The following ZNF516 variants were observed in gnomAD, a reference collection of about 807,000 sequenced individuals.
ZNF516 encodes the protein zinc finger protein 516.
In ZNF516, 19 loss-of-function variants were observed where a neutral mutation model predicts 79.7. The ratio of observed to expected loss-of-function variants is 0.24; its 90% CI spans 0.17 to 0.35. The LOEUF is 0.35. ZNF516 is among the 10% of genes least tolerant of loss of function. The probability of loss-of-function intolerance (pLI) is 1.00; values close to 1 mark genes in which losing one functional copy is unlikely to be tolerated. For synonymous variants in ZNF516, 877 were observed against 739.5 expected (o/e 1.19, Z -3.02); for missense variants, 1,678 against 1,679.5 (o/e 1.00, Z 0.02).
intron 6 of ZNF516, among the ~76,000 whole-genome samples, chr18:76,369,558 G>A (rs1477689883): frequency 1.3e-5 from 2 of 152,122 alleles, no homozygotes; most frequent in Non-Finnish European, 2.9e-5. Flanking sequence ...AAATAAACTA[G>A]AACGATTCTC....
At chr18:76,453,844 T>G (rs547401927) in intron 2 of ZNF516, among the ~76,000 whole-genome samples, 4 of 152,342 alleles carry the variant, frequency 2.6e-5, no homozygotes, top group Admixed American at 2.0e-4. Context: ...TCATAAAATA[T>G]ATTTTAACTG....
At chr18:76,408,916 T>A (rs2075336576) in intron 3 of ZNF516, among the ~76,000 whole-genome samples, 1 of 152,172 alleles carries the variant, frequency 6.6e-6, no homozygotes, top group Non-Finnish European at 1.5e-5. Flanking sequence ...GCTGCTAAAT[T>A]GAGGCTCAGA....
Position 76,360,824 on chromosome 18 carries a change from A to AAT in ZNF516, c.*1672_*1673dup, listed in dbSNP as rs1294567827. On this transcript the variant is annotated 3_prime_UTR_variant, in exon 7 of 7. Transcript: ENST00000443185. Reference sequence around the variant, plus strand: ...ATAATAATAATAATAATAATAATATAATAATATTCAACAAATCATTAGAAC... The same window carrying AAT: ...ATAATAATAATAATAATAATAATATAATATAATATTCAACAAATCATTAGAAC... 2.5e-4 allele frequency: 32 copies of AAT among 129,178 alleles called. No homozygotes were observed. The highest frequency in any genetic ancestry group is 1.3e-3 in the African/African-American group (31 of 23,946). The allele number at this position is 129,178 out of a possible 1,614,324, so 8.0% of individuals were successfully genotyped here. A position where few individuals can be genotyped will look rare whatever the true frequency, so the allele number is the denominator to read the frequency against.
At chr18:76,412,486 C>T (rs1042226643) in intron 3 of ZNF516, among the ~76,000 whole-genome samples, 1 of 152,144 alleles carries the variant, frequency 6.6e-6, no homozygotes, top group Non-Finnish European at 1.5e-5. Context: ...ACCTGGGGAC[C>T]GACGGGAGCC....
chr18:76,476,828 A>G (rs1356229205), intron 1 of ZNF516, among the ~76,000 whole-genome samples: 1 of 152,188 alleles, frequency 6.6e-6, no homozygotes, highest in Non-Finnish European at 1.5e-5. Flanking sequence ...CTGGATAGAA[A>G]CAGCCTAAGC....
intron 1 of ZNF516, among the ~76,000 whole-genome samples, chr18:76,489,455 G>A (rs1046816003): frequency 6.6e-6 from 1 of 152,120 alleles, no homozygotes; most frequent in African/African-American, 2.4e-5. Context: ...CCTTGCAGGG[G>A]GAAGTTAGGT....
rs570349421 is a variant in ZNF516 at position 76,420,573 on chromosome 18, A to G, written c.1810+20672T>C. ...AGTGGGGCATGTTATTTCGTGGAAAACAGTGGATACTTAAAAAAATATTCT... is the reference window on the plus strand; with the variant it reads ...AGTGGGGCATGTTATTTCGTGGAAAGCAGTGGATACTTAAAAAAATATTCT... On this transcript the variant is annotated intron_variant, in intron 3 of 6. Transcript: ENST00000443185. Among the ~76,000 whole-genome samples the G allele has an allele frequency of 3.3e-5, 5 of 152,230 alleles. No homozygotes were observed. The South Asian group carries it at 8.3e-4, about 25-fold the overall frequency.
chr18:76,451,060 G>C lies in ZNF516; in HGVS notation c.-157-7849C>G, dbSNP rs749983992. ...GCAAAGCTGACTGGGAGACACCAGG[G>C]AGGAACAAAGGAGCGAGAGGAAAAC... is the stretch of plus-strand genomic sequence containing the variant. On this transcript the variant is annotated intron_variant, in intron 2 of 6. Transcript: ENST00000443185. The surrounding 1 kb of genome is among the most constrained non-coding windows in gnomAD (Gnocchi z 6.0). Among the ~76,000 whole-genome samples the C allele has an allele frequency of 6.6e-5, 10 of 152,184 alleles. No individual in the cohort carries two copies.
intron 1 of ZNF516, among the ~76,000 whole-genome samples, chr18:76,484,628 T>C (rs915453191): frequency 7.9e-5 from 12 of 152,200 alleles, no homozygotes; most frequent in African/African-American, 2.2e-4. Context: ...TGGACGGGAT[T>C]TAAGGATTGC....
At chr18:76,455,965 T>C (rs771796920) in intron 2 of ZNF516, among the ~76,000 whole-genome samples, 1 of 152,154 alleles carries the variant, frequency 6.6e-6, no homozygotes, top group South Asian at 2.1e-4. Flanking sequence ...AGAGAGACCA[T>C]TGTTACCTCC....
At chr18:76,492,335 T>C (rs1207846300) in intron 1 of ZNF516, 1 of 985,314 alleles carries the variant, frequency 1.0e-6, no homozygotes, top group Admixed American at 6.1e-5. Flanking sequence ...GGTGCCACAG[T>C]AAGTCAGCTG....
intron 1 of ZNF516, among the ~76,000 whole-genome samples, chr18:76,494,506 G>A (rs944991060): frequency 8.2e-6 from 1 of 121,890 alleles, no homozygotes; most frequent in Non-Finnish European, 1.6e-5. Context: ...CTTCTTTAAC[G>A]TTAGGGTCAC....
intron 3 of ZNF516, among the ~76,000 whole-genome samples, chr18:76,392,045 AGCTG>A (rs2075081458): frequency 6.6e-6 from 1 of 152,352 alleles, no homozygotes; most frequent in East Asian, 1.9e-4. Flanking sequence ...GGGAGCACAC[AGCTG>A]AAGAAGAGCC....
intron 3 of ZNF516, among the ~76,000 whole-genome samples, chr18:76,417,943 G>C (rs1280222920): frequency 6.6e-6 from 1 of 152,228 alleles, no homozygotes; most frequent in Non-Finnish European, 1.5e-5. Context: ...AGAGGGTCAA[G>C]TATAGCAGTG....
chr18:76,380,076 G>T lies in ZNF516; in HGVS notation c.2038C>A (p.Pro680Thr), dbSNP rs1292576217. Residue 680 changes from proline to threonine, a missense_variant, in exon 4 of 7, where the codon CCC becomes ACC. Coordinates refer to ENST00000443185, the MANE Select transcript of ZNF516 (RefSeq NM_014643.4). ...CCAGGGACGGGCACCTCCTGCTTGG[G>T]GTGAAATGCTGGCATCTTTAAGTCC... ...SMDLKMPAFH[P>T]KQEVPVPGDG... 4.5e-5 allele frequency: 72 copies of T among 1,613,796 alleles called. No homozygotes were observed. The highest frequency in any genetic ancestry group is 6.0e-5 in the Non-Finnish European group (71 of 1,179,880).
At chr18:76,456,481 C>T (rs1275607559) in intron 2 of ZNF516, among the ~76,000 whole-genome samples, 1 of 152,146 alleles carries the variant, frequency 6.6e-6, no homozygotes, top group East Asian at 1.9e-4. Flanking sequence ...TAGCCTATCC[C>T]GGCCAGCCTT....
chr18:76,395,272 C>A (rs1239128336), intron 3 of ZNF516, among the ~76,000 whole-genome samples: 2 of 152,204 alleles, frequency 1.3e-5, no homozygotes, highest in South Asian at 2.1e-4. Flanking sequence ...CAAGGCTGCA[C>A]CCCGTCCTAA....
chr18:76,431,873 C>CCTTTACAGAAACACAAGAATGGA (rs1384328907), intron 3 of ZNF516, among the ~76,000 whole-genome samples: 6 of 152,190 alleles, frequency 3.9e-5, no homozygotes, highest in Non-Finnish European at 8.8e-5. Context: ...CTCGGGTATT[C>CCTTTACAGAAACACAAGAATGGA]CTTTACAGAA....
intron 3 of ZNF516, chr18:76,389,291 A>T (rs1367767003): frequency 6.6e-6 from 1 of 152,158 alleles, no homozygotes; most frequent in Non-Finnish European, 1.5e-5. Flanking sequence ...CAAAAAAAAA[A>T]AAAAAATCTC....
Sources: gnomAD v4.1 joint callset for allele counts (sites outside exome capture counted in the v4.1 genomes callset) on GRCh38, gnomAD v4.1.1 for gene constraint, Gnocchi (gnomAD v3.1) non-coding constraint, MANE v1.5 for transcripts, NCBI Gene and HGNC (gene_info 2026-07-23, HGNC 2026-07-21) for gene names.